The following SLC2A13 variants were observed in gnomAD, a reference collection of about 807,000 sequenced individuals.
SLC2A13 encodes solute carrier family 2 member 13.
In SLC2A13, 32 loss-of-function variants were observed where a neutral mutation model predicts 64.4. That is an observed-to-expected ratio of 0.50 (90% CI 0.37 to 0.67). SLC2A13 has a LOEUF of 0.67. Ranked by LOEUF, SLC2A13 falls within the 30% of genes least tolerant of loss-of-function variation. SLC2A13 has a pLI of 0.00. For missense variants in SLC2A13, 743 were observed against 829.2 expected, an observed-to-expected ratio of 0.90 and a Z score of 1.28; for synonymous variants, 338 against 327.1, an observed-to-expected ratio of 1.03 and a Z score of -0.36.
At chr12:40,067,000 CAT>C (rs1937752686) in intron 1 of SLC2A13, among the ~76,000 whole-genome samples, 1 of 151,984 alleles carries the variant, frequency 6.6e-6, no homozygotes, top group Admixed American at 6.6e-5. Flanking sequence ...ATAGACAGAA[CAT>C]GTTTGAATTT....
At chr12:40,023,332 C>T (rs1380754544) in intron 3 of SLC2A13, among the ~76,000 whole-genome samples, 1 of 152,180 alleles carries the variant, frequency 6.6e-6, no homozygotes, top group Non-Finnish European at 1.5e-5. Flanking sequence ...TATCTAAGAC[C>T]TCCCAGAAAC....
chr12:40,075,062 A>T (rs1257403671), intron 1 of SLC2A13, among the ~76,000 whole-genome samples: 3 of 152,178 alleles, frequency 2.0e-5, no homozygotes, highest in Non-Finnish European at 1.5e-5. Context: ...GACCTCATTT[A>T]AAAACAAAAC....
Position 39,864,787 on chromosome 12 carries a change from G to C in SLC2A13, c.1294C>G (p.Gln432Glu). Reference protein sequence around the residue: ...ITFKPIAPSGQNATCTRYSYC... With the variant: ...ITFKPIAPSGENATCTRYSYC... ...CTGTATCTTGTGCAAGTGGCGTTCT[G>C]ACCTGACGGAGCTATTGGCTTAAAA... The change falls in exon 6 of 10, where the codon CAG (glutamine) becomes GAG (glutamate). Residue 432 changes from glutamine to glutamate, a missense_variant. Transcript: ENST00000280871. 6.2e-7 allele frequency: 1 copy of C among 1,614,012 alleles called. No homozygotes were observed. Among genetic ancestry groups the C allele is most frequent in the Non-Finnish European group, 8.5e-7 (1 of 1,179,942 alleles).
intron 7 of SLC2A13, among the ~76,000 whole-genome samples, chr12:39,814,322 T>A (rs993088642): frequency 6.6e-6 from 1 of 152,206 alleles, no homozygotes; most frequent in Non-Finnish European, 1.5e-5. Flanking sequence ...TATGTACTTA[T>A]AATTTCCTCT....
intron 7 of SLC2A13, among the ~76,000 whole-genome samples, chr12:39,789,635 G>A (rs575054489): frequency 7.9e-5 from 12 of 152,276 alleles, no homozygotes; most frequent in South Asian, 6.2e-4. Flanking sequence ...AAACTGTGTC[G>A]TAAGAAGTTG....
chr12:39,934,955 C>T (rs7972838), intron 4 of SLC2A13, among the ~76,000 whole-genome samples: 8,581 of 152,274 alleles, frequency 0.056, 398 homozygotes, highest in East Asian at 0.26. Context: ...TCCTGCAATT[C>T]TATCAGCCAC....
At chr12:39,900,163 G>A (rs950785584) in intron 4 of SLC2A13, among the ~76,000 whole-genome samples, 60 of 151,630 alleles carry the variant, frequency 4.0e-4, no homozygotes, top group East Asian at 1.9e-4. Flanking sequence ...AAAACTCTCA[G>A]TAAATTAGGT....
chr12:39,902,040 T>C (rs994494313), intron 4 of SLC2A13, among the ~76,000 whole-genome samples: 2 of 151,902 alleles, frequency 1.3e-5, no homozygotes, highest in South Asian at 2.1e-4. Flanking sequence ...ATGTCCTTTG[T>C]AGGGACATGG....
intron 4 of SLC2A13, among the ~76,000 whole-genome samples, chr12:39,944,591 T>C (rs562635066): frequency 1.3e-5 from 2 of 152,382 alleles, no homozygotes; most frequent in Admixed American, 6.5e-5. Context: ...TACCATTATA[T>C]ACTGTCCCTC....
chr12:39,979,985 C>T (rs1000164339), intron 3 of SLC2A13, among the ~76,000 whole-genome samples: 1 of 150,396 alleles, frequency 6.6e-6, no homozygotes, highest in African/African-American at 2.5e-5. Flanking sequence ...TCGGCAGAAA[C>T]CCTACAAGCC....
In SLC2A13 at chr12:39,840,449, T is replaced by A. The variant is rs141938040; in HGVS notation, c.1320-10221A>T. ...TAGGATGAAAATCATACTCCTTTTA[T>A]GGCATCATTTAGCCCCTGCCCATCT... On this transcript the variant is annotated intron_variant, in intron 6 of 9. Transcript: ENST00000280871. Among the ~76,000 whole-genome samples, 439 of 152,158 alleles carry A rather than the reference T, an allele frequency of 2.9e-3. 2 individuals carry two copies. Among genetic ancestry groups the A allele is most frequent in the African/African-American group, 9.9e-3 (413 of 41,530 alleles).
intron 3 of SLC2A13, among the ~76,000 whole-genome samples, chr12:40,007,048 C>A (rs1947434313): frequency 6.6e-6 from 1 of 152,176 alleles, no homozygotes; most frequent in Admixed American, 6.5e-5. Context: ...AGCTAACAGT[C>A]ATGTGTGTTC....
chr12:39,931,923 A>C (rs1945831937), intron 4 of SLC2A13, among the ~76,000 whole-genome samples: 1 of 152,064 alleles, frequency 6.6e-6, no homozygotes. Flanking sequence ...ATATTATCCT[A>C]ATATCATAGT....
chr12:39,831,089 C>T (rs1344515038), intron 6 of SLC2A13, among the ~76,000 whole-genome samples: 1 of 152,172 alleles, frequency 6.6e-6, no homozygotes, highest in Non-Finnish European at 1.5e-5. Flanking sequence ...GAGCACTTTA[C>T]AGATGGCAAG....
intron 2 of SLC2A13, among the ~76,000 whole-genome samples, chr12:40,043,262 A>C (rs1948122757): frequency 6.6e-6 from 1 of 152,128 alleles, no homozygotes; most frequent in Non-Finnish European, 1.5e-5. Flanking sequence ...AGCAATTTTC[A>C]AAAAAGGATA....
At chr12:39,990,410 CAT>C (rs1159451625) in intron 3 of SLC2A13, among the ~76,000 whole-genome samples, 1 of 152,166 alleles carries the variant, frequency 6.6e-6, no homozygotes, top group Non-Finnish European at 1.5e-5. Flanking sequence ...ACTTCTAACA[CAT>C]GTTCCAGCAG....
chr12:40,099,565 A>G (rs1939077422), intron 1 of SLC2A13, among the ~76,000 whole-genome samples: 1 of 152,208 alleles, frequency 6.6e-6, no homozygotes, highest in Admixed American at 6.5e-5. Flanking sequence ...TGAATGAAAA[A>G]GCACAATGTT....
chr12:39,858,435 A>AT (rs1943666157), intron 6 of SLC2A13, among the ~76,000 whole-genome samples: 1 of 152,172 alleles, frequency 6.6e-6, no homozygotes, highest in Non-Finnish European at 1.5e-5. Context: ...TTCATTTTAT[A>AT]GGAAATTAGT....
At chr12:39,861,515 G>A (rs867050794) in intron 6 of SLC2A13, among the ~76,000 whole-genome samples, 46 of 152,150 alleles carry the variant, frequency 3.0e-4, no homozygotes, top group African/African-American at 9.9e-4. Flanking sequence ...ATAATAATAC[G>A]TCAAGTATTT....
Sources: gnomAD v4.1 joint callset for allele counts (sites outside exome capture counted in the v4.1 genomes callset) on GRCh38, gnomAD v4.1.1 for gene constraint, MANE v1.5 for transcripts, NCBI Gene and HGNC (gene_info 2026-07-23, HGNC 2026-07-21) for gene names.